The following CDK13 variants were observed in gnomAD, a reference collection of about 807,000 sequenced individuals.
CDK13 encodes cyclin dependent kinase 13, also known as cyclin-dependent kinase 13.
Under a neutral mutation model 137.6 loss-of-function variants are expected in CDK13, and 40 were observed. The observed-to-expected ratio is 0.29, with a 90% CI of 0.23 to 0.38. The LOEUF (loss-of-function observed/expected upper bound fraction) is 0.38. Ranked by LOEUF, CDK13 falls within the 10% of genes least tolerant of loss-of-function variation. The probability of loss-of-function intolerance (pLI) is 1.00; values close to 1 mark genes in which losing one functional copy is unlikely to be tolerated. For synonymous variants in CDK13, 869 were observed against 760.1 expected, an observed-to-expected ratio of 1.14 and a Z score of -2.36; for missense variants, 1,704 against 1,951.8, an observed-to-expected ratio of 0.87 and a Z score of 2.39.
chr7:40,087,377 A>T (rs945523565), intron 11 of CDK13, among the ~76,000 whole-genome samples: 1 of 152,064 alleles, frequency 6.6e-6, no homozygotes, highest in Non-Finnish European at 1.5e-5. Flanking sequence ...TCCTGGGCTC[A>T]AGCAATCCTC....
At chr7:40,051,518 T>G (rs1785887540) in intron 7 of CDK13, among the ~76,000 whole-genome samples, 2 of 152,244 alleles carry the variant, frequency 1.3e-5, no homozygotes, top group Non-Finnish European at 2.9e-5. Context: ...GGTAGGGCCT[T>G]ACTGTAATAC....
intron 9 of CDK13, chr7:40,070,559 C>G (rs1478608786): frequency 6.6e-6 from 1 of 151,296 alleles, no homozygotes; most frequent in Non-Finnish European, 1.5e-5. Context: ...TACAAAAATA[C>G]AGAATTAGCG....
rs17538293 is a variant in CDK13 at position 40,092,661 on chromosome 7, C to A, written c.3236-124C>A. On this transcript the variant is annotated intron_variant, in intron 12 of 13. Coordinates refer to ENST00000181839, the MANE Select transcript of CDK13 (RefSeq NM_003718.5). ...AACTAGACTTGAGGTTCTCTTTTTA[C>A]AGTATTTCTTAAATACTCTCCCTCA... is the stretch of plus-strand genomic sequence containing the variant. 2.4e-3 allele frequency: 1,619 copies of A among 665,028 alleles called. 5 individuals are homozygous for A. Among genetic ancestry groups the A allele is most frequent in the Middle Eastern group, 0.011 (26 of 2,394 alleles). The allele number at this position is 665,028 out of a possible 1,614,324, so 41.2% of individuals were successfully genotyped here. A position where few individuals can be genotyped will look rare whatever the true frequency, so the allele number is the denominator to read the frequency against.
At chr7:40,026,979 CGTGT>C in intron 5 of CDK13, among the ~76,000 whole-genome samples, 2 of 151,836 alleles carry the variant, frequency 1.3e-5, no homozygotes, top group Middle Eastern at 6.8e-3. Context: ...TAATGCTAAC[CGTGT>C]ATGTAAATTT....
At chr7:39,970,464 ATCTT>A (rs1450948898) in intron 1 of CDK13, among the ~76,000 whole-genome samples, 26 of 144,026 alleles carry the variant, frequency 1.8e-4, no homozygotes, top group African/African-American at 4.3e-4. Flanking sequence ...TACTGTTGTC[ATCTT>A]TTTTTTTTTT....
intron 2 of CDK13, among the ~76,000 whole-genome samples, chr7:39,996,870 A>G (rs2116306053): frequency 6.6e-6 from 1 of 150,680 alleles, no homozygotes; most frequent in Admixed American, 6.6e-5. Flanking sequence ...GGCTTGAGAC[A>G]AGATAATCGC....
Position 39,950,673 on chromosome 7 carries a change from G to C in CDK13, c.32G>C (p.Gly11Ala). Residue 11 changes from glycine to alanine, a missense_variant, in exon 1 of 14, where the codon GGA becomes GCA. By Grantham distance (60) the Gly-to-Ala change is moderately conservative. Coordinates refer to ENST00000181839, the MANE Select transcript of CDK13 (RefSeq NM_003718.5). Reference protein sequence around the residue: MPSSSDTALGGGGGLSWAEKK... With the variant: MPSSSDTALGAGGGLSWAEKK... Reference sequence around the variant, plus strand: ...AGCAGCTCGGACACGGCGCTGGGGGGAGGCGGGGGCCTGAGCTGGGCGGAG... The same window carrying C: ...AGCAGCTCGGACACGGCGCTGGGGGCAGGCGGGGGCCTGAGCTGGGCGGAG... 1 of 1,387,754 alleles carries C rather than the reference G, an allele frequency of 7.2e-7. No homozygotes were observed. Among genetic ancestry groups the C allele is most frequent in the Non-Finnish European group, 9.3e-7 (1 of 1,075,558 alleles). The allele number at this position is 1,387,754 out of a possible 1,614,324, so 86.0% of individuals were successfully genotyped here.
At chr7:40,044,671 C>A (rs1000222947) in intron 5 of CDK13, among the ~76,000 whole-genome samples, 1 of 152,006 alleles carries the variant, frequency 6.6e-6, no homozygotes, top group African/African-American at 2.4e-5. Flanking sequence ...GAGTCTCGCT[C>A]TGTCACCCAG....
Position 40,035,535 on chromosome 7 carries a change from G to A in CDK13, c.2354-10301G>A, listed in dbSNP as rs140362799. 2.8e-3 allele frequency among the ~76,000 whole-genome samples: 426 copies of A among 152,144 alleles called. 1 individual carries two copies. Among genetic ancestry groups the A allele is most frequent in the African/African-American group, 9.7e-3 (404 of 41,498 alleles). On this transcript the variant is annotated intron_variant, in intron 5 of 13. Coordinates refer to ENST00000181839, the MANE Select transcript of CDK13 (RefSeq NM_003718.5). ...ACAAACCCTATTGTGAACTGCACAT[G>A]CAAGGGATCTAGGTTGTGTACTCCT...
At chr7:39,980,816 T>C (rs1784208212) in intron 1 of CDK13, among the ~76,000 whole-genome samples, 1 of 152,196 alleles carries the variant, frequency 6.6e-6, no homozygotes. Flanking sequence ...AACTGTGAGA[T>C]AATAGTCAAG....
chr7:39,999,158 G>C, intron 3 of CDK13: 1 of 394,232 alleles, frequency 2.5e-6, no homozygotes, highest in Non-Finnish European at 4.5e-6. Flanking sequence ...AGAAGAGTCA[G>C]TATGTAGAAA....
At chr7:39,953,129 T>C (rs1787290590) in intron 1 of CDK13, among the ~76,000 whole-genome samples, 1 of 152,202 alleles carries the variant, frequency 6.6e-6, no homozygotes. Context: ...AGTATCACCA[T>C]AATAAATGTA....
intron 2 of CDK13, among the ~76,000 whole-genome samples, chr7:39,993,295 G>A (rs1373911948): frequency 6.6e-6 from 1 of 151,952 alleles, no homozygotes; most frequent in Non-Finnish European, 1.5e-5. Context: ...CTACTCTCAT[G>A]GATTTTTATT....
chr7:40,045,775 G>A (rs1181669911), intron 5 of CDK13, 61 bp from the exon 6 acceptor site: 2 of 1,126,652 alleles, frequency 1.8e-6, no homozygotes, highest in East Asian at 4.8e-5. Flanking sequence ...GTTAAAAATT[G>A]TGAATTTATG....
At chr7:39,999,756 C>T (rs1034132191) in intron 4 of CDK13, among the ~76,000 whole-genome samples, 1 of 152,080 alleles carries the variant, frequency 6.6e-6, no homozygotes, top group South Asian at 2.1e-4. Flanking sequence ...TTTAGTTTTT[C>T]TTTCCTCTTT....
In CDK13 at chr7:40,092,967, G is replaced by A. The variant is rs766029093; in HGVS notation, c.3418G>A (p.Glu1140Lys). 4.3e-6 allele frequency: 7 copies of A among 1,614,048 alleles called. No homozygotes were observed. Among genetic ancestry groups the A allele is most frequent in the Non-Finnish European group, 5.1e-6 (6 of 1,180,030 alleles). ...NLPAGILATG[E>K]KQTDPSTPQQ... ...TCCTGCTGGAATTTTGGCAACAGGTGAAAAACAGACAGATCCATCAACACC... is the reference window on the plus strand; with the variant it reads ...TCCTGCTGGAATTTTGGCAACAGGTAAAAAACAGACAGATCCATCAACACC... The change falls in exon 13 of 14, where the codon GAA (glutamate) becomes AAA (lysine). Residue 1140 changes from glutamate to lysine, a missense_variant. Physicochemically the swap from Glu to Lys is moderately conservative, Grantham distance 56. Transcript: ENST00000181839.
chr7:40,084,963 A>G (rs1030807002), intron 11 of CDK13, among the ~76,000 whole-genome samples: 2 of 152,250 alleles, frequency 1.3e-5, no homozygotes, highest in Admixed American at 1.3e-4. Context: ...TTCCTGATCC[A>G]TCTGAAAGTA....
rs1206462853 is a variant in CDK13 at position 39,959,238 on chromosome 7, C to T, written c.1211+7386C>T. ...CTGGAATGGTGCGATCTCGGCTCAC[C>T]GCAACCTCTGCCTCCCGGGTTCAAG... is the stretch of plus-strand genomic sequence containing the variant. On this transcript the variant is annotated intron_variant, in intron 1 of 13. Coordinates refer to ENST00000181839, the MANE Select transcript of CDK13 (RefSeq NM_003718.5). 5.9e-5 allele frequency among the ~76,000 whole-genome samples: 9 copies of T among 151,648 alleles called. No homozygotes were observed. In the South Asian group the frequency reaches 1.5e-3, roughly 25 times the overall value.
At chr7:39,979,840 C>T (rs1317694695) in intron 1 of CDK13, among the ~76,000 whole-genome samples, 2 of 151,974 alleles carry the variant, frequency 1.3e-5, no homozygotes, top group South Asian at 2.1e-4. Context: ...AGAGAACTCA[C>T]GTGATGACAG....
Sources: gnomAD v4.1 joint callset for allele counts (sites outside exome capture counted in the v4.1 genomes callset) on GRCh38, gnomAD v4.1.1 for gene constraint, MANE v1.5 for transcripts, NCBI Gene and HGNC (gene_info 2026-07-23, HGNC 2026-07-21) for gene names.